The following SPON1 variants were observed in gnomAD, a reference collection of about 807,000 sequenced individuals.
SPON1 encodes spondin 1.
In SPON1, 52 loss-of-function variants were observed where a neutral mutation model predicts 111.7. That is an observed-to-expected ratio of 0.47 (90% CI 0.37 to 0.59). SPON1 has a LOEUF of 0.59. Ranked by LOEUF, SPON1 falls within the 20% of genes least tolerant of loss-of-function variation. The pLI is 0.00. For synonymous variants in SPON1, 410 were observed against 395.8 expected, an observed-to-expected ratio of 1.04 and a Z score of -0.43; for missense variants, 957 against 1,068.5, an observed-to-expected ratio of 0.90 and a Z score of 1.46.
chr11:14,048,167 A>G (rs1848683162), intron 3 of SPON1, among the ~76,000 whole-genome samples: 2 of 152,212 alleles, frequency 1.3e-5, no homozygotes, highest in Non-Finnish European at 2.9e-5. Flanking sequence ...TGAACCCAGG[A>G]GGTGGAGGTT....
At chr11:14,179,755 A>G (rs1284172010) in intron 6 of SPON1, among the ~76,000 whole-genome samples, 2 of 152,160 alleles carry the variant, frequency 1.3e-5, no homozygotes, top group East Asian at 1.9e-4. Flanking sequence ...TGTGATGGGT[A>G]TAAGTCTACT....
intron 5 of SPON1, among the ~76,000 whole-genome samples, chr11:14,109,513 G>A (rs1849211282): frequency 2.0e-5 from 3 of 152,096 alleles, no homozygotes; most frequent in Admixed American, 2.0e-4. Context: ...TTTTTAATTT[G>A]GGGAAAGAGA....
intron 3 of SPON1, among the ~76,000 whole-genome samples, chr11:14,046,043 C>T (rs950956103): frequency 6.6e-6 from 1 of 152,080 alleles, no homozygotes; most frequent in Non-Finnish European, 1.5e-5. Flanking sequence ...TAAGCTACCA[C>T]AGAAAATAGA....
At chr11:14,224,517 G>T (rs566836798) in intron 6 of SPON1, among the ~76,000 whole-genome samples, 8 of 152,262 alleles carry the variant, frequency 5.3e-5, no homozygotes, top group Non-Finnish European at 1.2e-4. Flanking sequence ...TTCAGAGGCT[G>T]GTTCCTTTGC....
chr11:14,149,254 T>G (rs1847759932), intron 6 of SPON1, among the ~76,000 whole-genome samples: 1 of 152,122 alleles, frequency 6.6e-6, no homozygotes, highest in African/African-American at 2.4e-5. Context: ...CTGTAAAGGC[T>G]TAAGCACATT....
At chr11:14,263,258 T>C (rs1240314688) in intron 15 of SPON1, among the ~76,000 whole-genome samples, 3 of 152,154 alleles carry the variant, frequency 2.0e-5, no homozygotes, top group African/African-American at 7.2e-5. Context: ...AAAGAATCTT[T>C]AGGAATTACA....
chr11:14,085,119 CT>C (rs1564901452), intron 5 of SPON1, among the ~76,000 whole-genome samples: 1 of 152,106 alleles, frequency 6.6e-6, no homozygotes, highest in Non-Finnish European at 1.5e-5. Flanking sequence ...ATGCTAGTTT[CT>C]TTTGCTGTGA....
At chr11:13,992,504 G>A (rs1404600882) in intron 2 of SPON1, among the ~76,000 whole-genome samples, 2 of 152,174 alleles carry the variant, frequency 1.3e-5, no homozygotes, top group African/African-American at 4.8e-5. Context: ...CTCCGTGGGG[G>A]TGGGACCTGC....
intron 2 of SPON1, among the ~76,000 whole-genome samples, chr11:14,038,471 A>C (rs1236681285): frequency 2.6e-5 from 4 of 152,196 alleles, no homozygotes; most frequent in African/African-American, 9.6e-5. Context: ...TCCATCTCAA[A>C]AAAACAAAAC....
intron 3 of SPON1, among the ~76,000 whole-genome samples, chr11:14,045,720 A>G (rs1214347434): frequency 2.0e-5 from 3 of 150,776 alleles, no homozygotes; most frequent in Admixed American, 1.3e-4. Context: ...AATTTGATTT[A>G]TTTAGAACAT....
rs984911693 is a variant in SPON1, at chr11:14,267,367, A to T, written c.*1680A>T. Reference sequence around the variant, plus strand: ...CTACCTTTGTATCCAACATGTTTTAAATCCTTAAATGAATTGCTTTCTCCC... The same window carrying T: ...CTACCTTTGTATCCAACATGTTTTATATCCTTAAATGAATTGCTTTCTCCC... On this transcript the variant is annotated 3_prime_UTR_variant, in exon 16 of 16. Transcript: ENST00000576479. 2.0e-5 allele frequency: 3 copies of T among 152,220 alleles called. No homozygotes were observed. Among genetic ancestry groups the T allele is most frequent in the Non-Finnish European group, 4.4e-5 (3 of 68,034 alleles). 9.4% of individuals were successfully genotyped at this position (152,220 alleles called of 1,614,324 possible). A position where few individuals can be genotyped will look rare whatever the true frequency, so the allele number is the denominator to read the frequency against.
intron 6 of SPON1, among the ~76,000 whole-genome samples, chr11:14,215,555 A>T (rs1338328530): frequency 6.6e-6 from 1 of 152,320 alleles, no homozygotes; most frequent in Non-Finnish European, 1.5e-5. Context: ...CAAAAGGCAG[A>T]AAGTGGAAGC....
chr11:14,060,242 A>G (rs558808334), intron 3 of SPON1, among the ~76,000 whole-genome samples: 1 of 152,348 alleles, frequency 6.6e-6, no homozygotes, highest in East Asian at 1.9e-4. Context: ...CTTTTAAAAT[A>G]GAAATGATTT....
intron 6 of SPON1, among the ~76,000 whole-genome samples, chr11:14,177,015 A>C (rs959268696): frequency 6.6e-6 from 1 of 152,154 alleles, no homozygotes; most frequent in Non-Finnish European, 1.5e-5. Context: ...CTCCCTGAGC[A>C]TCTGGGGAGC....
chr11:14,225,771 C>T (rs143688036), intron 6 of SPON1, among the ~76,000 whole-genome samples: 649 of 152,230 alleles, frequency 4.3e-3, no homozygotes, highest in Non-Finnish European at 6.7e-3. Flanking sequence ...TATCACCATA[C>T]GTCTACAGGG....
chr11:14,201,492 G>A (rs531399667), intron 6 of SPON1, among the ~76,000 whole-genome samples: 32 of 151,298 alleles, frequency 2.1e-4, no homozygotes, highest in African/African-American at 5.1e-4. Flanking sequence ...TCAACCTCCC[G>A]GGCTCAATCA....
At chr11:14,209,986 T>C (rs1554936530) in intron 6 of SPON1, among the ~76,000 whole-genome samples, 1 of 152,236 alleles carries the variant, frequency 6.6e-6, no homozygotes, top group East Asian at 1.9e-4. Context: ...CATTGTGGTT[T>C]TGATTTGCAT....
intron 5 of SPON1, among the ~76,000 whole-genome samples, chr11:14,101,643 T>C (rs1554924386): frequency 6.6e-6 from 1 of 152,084 alleles, no homozygotes; most frequent in African/African-American, 2.4e-5. Context: ...ACCTCACTGC[T>C]GCCTTTAAAA....
At chr11:14,225,805 G>T (rs1025414) in intron 6 of SPON1, among the ~76,000 whole-genome samples, 79,842 of 151,954 alleles carry the variant, frequency 0.53, 21,202 homozygotes, top group East Asian at 0.63. Context: ...GAGTTGAAAG[G>T]AAGCTCTGGT....
Sources: allele counts gnomAD v4.1 joint callset (sites outside exome capture counted in the v4.1 genomes callset), GRCh38; gene constraint gnomAD v4.1.1; transcripts MANE v1.5; gene names NCBI Gene and HGNC (gene_info 2026-07-23, HGNC 2026-07-21).